The following BBX variants were observed in gnomAD, a reference collection of about 807,000 sequenced individuals.
The protein encoded by BBX is HMG box transcription factor BBX.
A neutral mutation model predicts 100.2 loss-of-function variants in BBX; 30 were observed. The ratio of observed to expected loss-of-function variants is 0.30; its 90% CI spans 0.22 to 0.41. The LOEUF (loss-of-function observed/expected upper bound fraction) is 0.41, where lower values mean the gene tolerates loss of function less well. BBX is among the 10% of genes least tolerant of loss of function. The pLI, the probability that BBX is intolerant of heterozygous loss-of-function variation, is 1.00. For missense variants in BBX, 1,023 were observed against 1,129.8 expected (o/e 0.91, Z 1.35); for synonymous variants, 376 against 388.1 (o/e 0.97, Z 0.37).
intron 2 of BBX, among the ~76,000 whole-genome samples, chr3:107,558,013 C>T (rs2050204376): frequency 6.6e-6 from 1 of 152,202 alleles, no homozygotes; most frequent in Non-Finnish European, 1.5e-5. Context: ...CTCAGCGGGG[C>T]TTGGCAGCAG....
intron 3 of BBX, among the ~76,000 whole-genome samples, chr3:107,668,385 T>G (rs2058855289): frequency 6.6e-6 from 1 of 152,200 alleles, no homozygotes. Flanking sequence ...GCTGCCCTTT[T>G]CATCCATTTA....
chr3:107,707,247 C>T (rs970462605), intron 3 of BBX, among the ~76,000 whole-genome samples: 1 of 152,210 alleles, frequency 6.6e-6, no homozygotes, highest in South Asian at 2.1e-4. Context: ...TGGTGGTTCT[C>T]AGACATCACA....
intron 2 of BBX, among the ~76,000 whole-genome samples, chr3:107,540,610 A>G (rs963223272): frequency 2.6e-5 from 4 of 152,220 alleles, no homozygotes; most frequent in African/African-American, 9.6e-5. Context: ...TGTTGCCTGT[A>G]TAGAGGTACT....
chr3:107,526,530 C>T (rs2047790025), intron 2 of BBX, 132 bp downstream of exon 2: 2 of 395,378 alleles, frequency 5.1e-6, no homozygotes, highest in Non-Finnish European at 8.9e-6. Flanking sequence ...ACTGAGTTTC[C>T]CACAGCATAA....
At chr3:107,679,270 C>G (rs919564341) in intron 3 of BBX, among the ~76,000 whole-genome samples, 2 of 152,000 alleles carry the variant, frequency 1.3e-5, no homozygotes, top group Admixed American at 1.3e-4. Context: ...TTATGTTTGA[C>G]ACCGTACATA....
chr3:107,656,291 A>G (rs778845343), intron 3 of BBX, among the ~76,000 whole-genome samples: 1 of 152,214 alleles, frequency 6.6e-6, no homozygotes, highest in Non-Finnish European at 1.5e-5. Flanking sequence ...CCGTGTATCA[A>G]TAGCTATTTT....
At chr3:107,623,643 A>C (rs563190605) in intron 2 of BBX, among the ~76,000 whole-genome samples, 4 of 152,094 alleles carry the variant, frequency 2.6e-5, no homozygotes, top group South Asian at 4.2e-4. Context: ...TAATTTGGAG[A>C]CCCTCTTTAA....
At chr3:107,683,049 C>A (rs2059651140) in intron 3 of BBX, among the ~76,000 whole-genome samples, 1 of 152,118 alleles carries the variant, frequency 6.6e-6, no homozygotes, top group East Asian at 1.9e-4. Context: ...TCAGTCAATG[C>A]ATATACCACT....
intron 2 of BBX, among the ~76,000 whole-genome samples, chr3:107,597,257 T>C (rs1371343426): frequency 2.0e-5 from 3 of 152,204 alleles, no homozygotes; most frequent in African/African-American, 7.2e-5. Flanking sequence ...ATTTTATCTT[T>C]ATATATTGTT....
intron 2 of BBX, among the ~76,000 whole-genome samples, chr3:107,627,172 C>T (rs998916784): frequency 1.1e-4 from 16 of 152,186 alleles, no homozygotes; most frequent in Non-Finnish European, 2.4e-4. Flanking sequence ...TGGCTACCAC[C>T]TTATCTTACC....
chr3:107,701,121 A>G (rs935197893), intron 3 of BBX, among the ~76,000 whole-genome samples: 3 of 152,020 alleles, frequency 2.0e-5, no homozygotes, highest in Admixed American at 6.6e-5. Context: ...TGACTTTTTA[A>G]TGATCACCAT....
chr3:107,759,872 T>C (rs921001551), intron 10 of BBX, among the ~76,000 whole-genome samples: 1 of 152,224 alleles, frequency 6.6e-6, no homozygotes, highest in Non-Finnish European at 1.5e-5. Flanking sequence ...TTCTCACTTT[T>C]CTGAAACAAT....
chr3:107,562,941 C>G (rs990452489), intron 2 of BBX, among the ~76,000 whole-genome samples: 2 of 152,076 alleles, frequency 1.3e-5, no homozygotes, highest in African/African-American at 2.4e-5. Context: ...TTCTTTTTCC[C>G]CTCCAAAATA....
At chr3:107,547,906 C>T (rs925125756) in intron 2 of BBX, among the ~76,000 whole-genome samples, 22 of 152,138 alleles carry the variant, frequency 1.4e-4, no homozygotes. Flanking sequence ...AACTCCTTTT[C>T]TACTTTCATC....
At chr3:107,665,995 A>G (rs2058720269) in intron 3 of BBX, among the ~76,000 whole-genome samples, 2 of 152,158 alleles carry the variant, frequency 1.3e-5, no homozygotes, top group African/African-American at 2.4e-5. Context: ...TTGCACCTTC[A>G]TGTAGTCTTT....
chr3:107,786,597 T>C (rs1354008901), intron 13 of BBX, among the ~76,000 whole-genome samples: 2 of 152,146 alleles, frequency 1.3e-5, no homozygotes, highest in African/African-American at 2.4e-5. Flanking sequence ...AGTATCTACA[T>C]TCAAATGAAG....
chr3:107,771,438 C>T (rs2066901215), intron 10 of BBX, among the ~76,000 whole-genome samples: 1 of 151,984 alleles, frequency 6.6e-6, no homozygotes, highest in Non-Finnish European at 1.5e-5. Flanking sequence ...AAAACTTAAC[C>T]AAATTGGGGC....
chr3:107,755,593 T>TA lies in BBX; in HGVS notation c.826-4dup, dbSNP rs745535182. The stretch of plus-strand genomic sequence containing the variant: ...TATTCCCTATTTGGATTGTCTTTAA[T>TA]ATAGATTTCTTCAAACACTTCGCAG... On this transcript the variant is annotated splice_polypyrimidine_tract_variant and splice_region_variant and intron_variant, in intron 9 of 17. Transcript: ENST00000325805. The TA allele has an allele frequency of 2.5e-6, 4 of 1,612,166 alleles. No homozygotes were observed. The East Asian group carries it at 8.9e-5, about 36-fold the overall frequency.
At chr3:107,661,102 T>G (rs1214277945) in intron 3 of BBX, among the ~76,000 whole-genome samples, 1 of 152,232 alleles carries the variant, frequency 6.6e-6, no homozygotes, top group Non-Finnish European at 1.5e-5. Flanking sequence ...TCACTTAATT[T>G]CATTTCTGTT....
Sources: allele counts gnomAD v4.1 joint callset (sites outside exome capture counted in the v4.1 genomes callset), GRCh38; gene constraint gnomAD v4.1.1; transcripts MANE v1.5; gene names NCBI Gene and HGNC (gene_info 2026-07-23, HGNC 2026-07-21).